The following FGD5 variants were observed in gnomAD, a reference collection of about 807,000 sequenced individuals.
The protein encoded by FGD5 is FYVE, RhoGEF and PH domain-containing protein 5.
FGD5 carries 28 observed loss-of-function variants against 133.4 expected under a neutral mutation model. The ratio of observed to expected loss-of-function variants is 0.21; its 90% CI spans 0.16 to 0.29. The LOEUF (loss-of-function observed/expected upper bound fraction) is 0.29, where lower values mean the gene tolerates loss of function less well. Among genes scored for constraint, FGD5 ranks in the 10% least tolerant of loss-of-function variants. The pLI, the probability that FGD5 is intolerant of heterozygous loss-of-function variation, is 1.00. For missense variants in FGD5, 1,858 were observed against 1,895.2 expected, an observed-to-expected ratio of 0.98 and a Z score of 0.36; for synonymous variants, 810 against 776.5, an observed-to-expected ratio of 1.04 and a Z score of -0.72.
chr3:14,868,041 G>A (rs1283517948), intron 2 of FGD5, among the ~76,000 whole-genome samples: 3 of 152,136 alleles, frequency 2.0e-5, no homozygotes, highest in Non-Finnish European at 4.4e-5. Context: ...CCACATGTCT[G>A]ACCTCTCCTC....
chr3:14,850,786 G>C (rs933965686), intron 1 of FGD5, among the ~76,000 whole-genome samples: 4 of 140,760 alleles, frequency 2.8e-5, no homozygotes, highest in East Asian at 1.9e-4. Context: ...GACCTTGGTT[G>C]GGGGGGCAGT....
intron 1 of FGD5, among the ~76,000 whole-genome samples, chr3:14,851,453 C>T (rs1623839): frequency 0.67 from 101,715 of 151,740 alleles, 34,327 homozygotes; most frequent in African/African-American, 0.73. Flanking sequence ...TACTGCAGTC[C>T]CAGAGATGAC....
At chr3:14,849,386 G>A (rs6789597) in intron 1 of FGD5, among the ~76,000 whole-genome samples, 102,086 of 152,074 alleles carry the variant, frequency 0.67, 34,518 homozygotes, top group African/African-American at 0.74. Context: ...ACAGTGAACC[G>A]AATGAATGGA....
chr3:14,840,691 T>C (rs563069255), intron 1 of FGD5, among the ~76,000 whole-genome samples: 40 of 152,350 alleles, frequency 2.6e-4, no homozygotes, highest in Admixed American at 6.5e-4. Context: ...TCAGTAGCTT[T>C]ATCCATATTT....
chr3:14,815,510 A>G (rs1047534560), upstream of FGD5, among the ~76,000 whole-genome samples: 3 of 152,286 alleles, frequency 2.0e-5, no homozygotes, highest in South Asian at 2.1e-4. Flanking sequence ...GATGTATCCA[A>G]AGAATCTAGA....
intron 1 of FGD5, among the ~76,000 whole-genome samples, chr3:14,858,988 C>A (rs294635): frequency 2.0e-5 from 3 of 152,176 alleles, no homozygotes; most frequent in Admixed American, 6.5e-5. Flanking sequence ...CTGCTAACTT[C>A]TGTTTAAGAT....
At chr3:14,913,823 A>G (rs1489029575) in intron 11 of FGD5, among the ~76,000 whole-genome samples, 1 of 152,120 alleles carries the variant, frequency 6.6e-6, no homozygotes, top group Admixed American at 6.5e-5. Flanking sequence ...CTCTTTGAGA[A>G]GGGTGCCAGC....
intron 2 of FGD5, among the ~76,000 whole-genome samples, chr3:14,864,813 G>T (rs1184435809): frequency 2.0e-5 from 3 of 152,118 alleles, no homozygotes; most frequent in Non-Finnish European, 4.4e-5. Context: ...TCATTGCTGG[G>T]CACGGGTGCA....
chr3:14,821,609 C>A lies in FGD5; in HGVS notation c.2525+13C>A. ...AGGACGCAGAAAGGTACCTGACATT[C>A]TATTTCCTTTCTTGTTCGGCAGCTG... On this transcript the variant is annotated intron_variant, in intron 1 of 19. Coordinates refer to ENST00000285046, the MANE Select transcript of FGD5 (RefSeq NM_152536.4). The A allele has an allele frequency of 6.4e-7, 1 of 1,560,394 alleles. No individual in the cohort carries two copies. Among genetic ancestry groups the A allele is most frequent in the Non-Finnish European group, 8.7e-7 (1 of 1,150,960 alleles).
chr3:14,831,747 G>C (rs1438312137), intron 1 of FGD5, among the ~76,000 whole-genome samples: 3 of 152,214 alleles, frequency 2.0e-5, no homozygotes, highest in African/African-American at 7.2e-5. Context: ...AGCAAAGGGT[G>C]GGAGGTGCCA....
At chr3:14,812,408 C>G (rs2036308719) in intron 1 of FGD5, among the ~76,000 whole-genome samples, 2 of 152,222 alleles carry the variant, frequency 1.3e-5, no homozygotes, top group Admixed American at 1.3e-4. Context: ...ATGGTGAGAG[C>G]GTTTCCAGTT....
In FGD5 at chr3:14,901,046, C is replaced by T. The variant is rs1382805121; in HGVS notation, c.3249C>T (p.Asp1083=). The T allele has an allele frequency of 1.2e-6, 2 of 1,614,012 alleles. No homozygotes were observed. Among genetic ancestry groups the T allele is most frequent in the Non-Finnish European group, 1.7e-6 (2 of 1,179,886 alleles). ...LISKVTDRAN[D]SMEQGENLQK... is the part of the protein sequence containing the mutation. ...CCAAAGTCACAGACCGTGCCAACGACAGCATGGAGCAAGGGGTGAGTGCGG... is the reference window on the plus strand; with the variant it reads ...CCAAAGTCACAGACCGTGCCAACGATAGCATGGAGCAAGGGGTGAGTGCGG... Residue 1083 remains aspartate, a synonymous_variant, in exon 9 of 20, where the codon GAC becomes GAT. Coordinates refer to ENST00000285046, the MANE Select transcript of FGD5 (RefSeq NM_152536.4).
chr3:14,811,067 A>C lies in FGD5; in HGVS notation c.13+202A>C, dbSNP rs766072077. On this transcript the variant is annotated intron_variant, in intron 1 of 1. Coordinates refer to the FGD5 transcript ENST00000640506. The stretch of plus-strand genomic sequence containing the variant: ...CTGAGAACCGGGGGTCCCCGTCCGA[A>C]GCGCCCTGCCTCAGGGACCTTCTCA... Among the ~76,000 whole-genome samples, 65 of 151,934 alleles carry C rather than the reference A, an allele frequency of 4.3e-4. No homozygotes were observed. The Middle Eastern group carries it at 0.035, about 81-fold the overall frequency.
chr3:14,902,912 G>A (rs991412607), intron 9 of FGD5, among the ~76,000 whole-genome samples: 1 of 152,146 alleles, frequency 6.6e-6, no homozygotes, highest in Non-Finnish European at 1.5e-5. Context: ...AGCAGCCGAC[G>A]GCCAGACACC....
At chr3:14,878,578 C>G (rs1381782699) in intron 2 of FGD5, among the ~76,000 whole-genome samples, 1 of 152,206 alleles carries the variant, frequency 6.6e-6, no homozygotes, top group East Asian at 1.9e-4. Flanking sequence ...AGACACTCAT[C>G]TGATCCTTAT....
intron 10 of FGD5, among the ~76,000 whole-genome samples, chr3:14,910,162 T>C (rs1031288120): frequency 4.6e-5 from 7 of 152,244 alleles, no homozygotes; most frequent in Non-Finnish European, 8.8e-5. Context: ...ATACAATTTA[T>C]ACCTCCAGTA....
At chr3:14,913,408 C>T (rs2038489599) in intron 11 of FGD5, among the ~76,000 whole-genome samples, 1 of 152,082 alleles carries the variant, frequency 6.6e-6, no homozygotes, top group African/African-American at 2.4e-5. Context: ...GTTGGGTCCC[C>T]GTGAATTCCC....
chr3:14,906,141 C>G (rs1417398376), intron 9 of FGD5, among the ~76,000 whole-genome samples: 1 of 152,190 alleles, frequency 6.6e-6, no homozygotes, highest in Non-Finnish European at 1.5e-5. Flanking sequence ...TTAGCCCTCC[C>G]TGCACCACAG....
At chr3:14,816,980 A>AGTACC (rs546503619), upstream of FGD5, among the ~76,000 whole-genome samples, 192 of 152,336 alleles carry the variant, frequency 1.3e-3, no homozygotes, top group African/African-American at 4.2e-3. Flanking sequence ...TGTGCTGGAC[A>AGTACC]GTACCGTAGC....
Sources: allele counts gnomAD v4.1 joint callset (sites outside exome capture counted in the v4.1 genomes callset), GRCh38; gene constraint gnomAD v4.1.1; transcripts MANE v1.5; gene names NCBI Gene and HGNC (gene_info 2026-07-23, HGNC 2026-07-21).